Variants in ANKRD11 observed in about 807,000 individuals in gnomAD.
ANKRD11 encodes the protein ankyrin repeat domain 11.
A neutral mutation model predicts 195.7 loss-of-function variants in ANKRD11; 17 were observed. That is an observed-to-expected ratio of 0.09 (90% CI 0.06 to 0.13). The LOEUF (loss-of-function observed/expected upper bound fraction) is 0.13, where lower values mean the gene tolerates loss of function less well. Ranked by LOEUF, ANKRD11 falls within the 10% of genes least tolerant of loss-of-function variation. ANKRD11 has a pLI of 1.00. For synonymous variants in ANKRD11, 1,953 were observed against 1,528.1 expected, an observed-to-expected ratio of 1.28 and a Z score of -6.49; for missense variants, 3,735 against 3,566.1, an observed-to-expected ratio of 1.05 and a Z score of -1.21.
chr16:89,378,366 CCAAA>C (rs2040507748), intron 2 of ANKRD11, among the ~76,000 whole-genome samples: 1 of 152,006 alleles, frequency 6.6e-6, no homozygotes, highest in African/African-American at 2.4e-5. Context: ...TGTTCAAGGA[CCAAA>C]CATATATAAT....
chr16:89,292,611 C>T (rs918712926), intron 4 of ANKRD11, among the ~76,000 whole-genome samples: 4 of 152,250 alleles, frequency 2.6e-5, no homozygotes, highest in Admixed American at 2.6e-4. Context: ...GCGTCACACT[C>T]ATGGGCAAAA....
In ANKRD11 at chr16:89,480,496, AT is replaced by A. The variant is rs770638749; in HGVS notation, c.-145+9748del. ...CATCTCAAAAAAAAAGAAAAAAAAA[AT>A]CCTAACTTTTAAGATTTCCAACCAA... On this transcript the variant is annotated intron_variant, in intron 1 of 12. Coordinates refer to ENST00000301030, the MANE Select transcript of ANKRD11 (RefSeq NM_013275.6). Among the ~76,000 whole-genome samples the A allele has an allele frequency of 1.6e-4, 24 of 152,224 alleles. No individual in the cohort carries two copies. The South Asian group carries it at 2.3e-3, about 14-fold the overall frequency.
Position 89,278,449 on chromosome 16 carries a change from C to T in ANKRD11, c.7470+623G>A, listed in dbSNP as rs939294423. 9.0e-6 allele frequency: 4 copies of T among 445,872 alleles called. No individual in the cohort carries two copies. In the East Asian group the frequency reaches 2.1e-4, roughly 23 times the overall value. The allele number at this position is 445,872 out of a possible 1,614,324, so 27.6% of individuals were successfully genotyped here. A position where few individuals can be genotyped will look rare whatever the true frequency, so the allele number is the denominator to read the frequency against. ...TTGGGCCCAGACGTAGCGCAAGGAG[C>T]TGGGGGAGTGGGGGTGATTCCGAGA... On this transcript the variant is annotated intron_variant, in intron 9 of 12. Coordinates refer to ENST00000301030, the MANE Select transcript of ANKRD11 (RefSeq NM_013275.6).
At chr16:89,278,106 A>T in intron 9 of ANKRD11, 2 of 230,936 alleles carry the variant, frequency 8.7e-6, no homozygotes, top group Non-Finnish European at 1.7e-5. Context: ...CGCTAGGCAC[A>T]GTGTGAGTGG....
At position 89,282,638 on chromosome 16, in the gene ANKRD11, C is replaced by T. The variant is rs2034355002; in HGVS notation, c.3904G>A (p.Glu1302Lys). ...YREDSNDKIS[E>K]VSSDSFTDRG... The stretch of plus-strand genomic sequence containing the variant: ...TCCGTGAAGCTGTCAGAGGAGACCT[C>T]GCTGATTTTATCGTTGGAGTCTTCT... The change falls in exon 9 of 13, where the codon GAG becomes AAG. Residue 1302 changes from glutamate (E) to lysine (K), a missense_variant. Physicochemically the swap from Glu to Lys is moderately conservative, Grantham distance 56. Coordinates refer to ENST00000301030, the MANE Select transcript of ANKRD11 (RefSeq NM_013275.6). 1 of 1,614,118 alleles carries T rather than the reference C, an allele frequency of 6.2e-7. No homozygotes were observed. Among genetic ancestry groups the T allele is most frequent in the Non-Finnish European group, 8.5e-7 (1 of 1,180,024 alleles).
At chr16:89,465,173 T>C (rs1365806493) in intron 1 of ANKRD11, among the ~76,000 whole-genome samples, 1 of 152,192 alleles carries the variant, frequency 6.6e-6, no homozygotes, top group East Asian at 1.9e-4. Context: ...TCAGAGAACA[T>C]GCGGCCACAA....
At chr16:89,288,459 G>A in intron 7 of ANKRD11, 69 bp downstream of exon 7, 1 of 1,610,908 alleles carries the variant, frequency 6.2e-7, no homozygotes, top group African/African-American at 1.3e-5. Context: ...TAGCTACGGG[G>A]AAACAAAGCT....
At chr16:89,379,776 G>A (rs750151767) in intron 2 of ANKRD11, among the ~76,000 whole-genome samples, 8 of 152,212 alleles carry the variant, frequency 5.3e-5, no homozygotes, top group Non-Finnish European at 8.8e-5. Flanking sequence ...TGAGTACAAC[G>A]GGCAAAGAAG....
intron 2 of ANKRD11, among the ~76,000 whole-genome samples, chr16:89,376,445 TTTG>T (rs1251970408): frequency 6.6e-6 from 1 of 152,116 alleles, no homozygotes; most frequent in Non-Finnish European, 1.5e-5. Flanking sequence ...GGGTTTTGTT[TTTG>T]TTTTTTTGAG....
chr16:89,405,172 C>A (rs548747270), intron 2 of ANKRD11, among the ~76,000 whole-genome samples: 2 of 151,842 alleles, frequency 1.3e-5, no homozygotes, highest in Non-Finnish European at 2.9e-5. Context: ...CCAGCCTGGG[C>A]GACAGAGCAA....
In ANKRD11 at chr16:89,419,543, G is replaced by A. The variant is rs183983386; in HGVS notation, c.-144-1175C>T. ...AGAATAAAACAAACCAGTCTAAATGGGGGAAAAAAAATCTATACCCATGTT... is the reference window on the plus strand; with the variant it reads ...AGAATAAAACAAACCAGTCTAAATGAGGGAAAAAAAATCTATACCCATGTT... On this transcript the variant is annotated intron_variant, in intron 1 of 12. Transcript: ENST00000301030. Among the ~76,000 whole-genome samples the A allele has an allele frequency of 1.9e-3, 287 of 151,764 alleles. 1 individual carries two copies. The highest frequency in any genetic ancestry group is 6.3e-3 in the African/African-American group (261 of 41,354).
At chr16:89,295,422 C>A (rs1221360721) in intron 4 of ANKRD11, among the ~76,000 whole-genome samples, 1 of 152,202 alleles carries the variant, frequency 6.6e-6, no homozygotes, top group Non-Finnish European at 1.5e-5. Flanking sequence ...AAACCACATC[C>A]ACCTCGCCAG....
chr16:89,322,712 A>G (rs1216656463), intron 2 of ANKRD11, among the ~76,000 whole-genome samples: 2 of 152,146 alleles, frequency 1.3e-5, no homozygotes, highest in Admixed American at 6.6e-5. Flanking sequence ...AGGAGCTGGA[A>G]GCAGCAGTCC....
chr16:89,324,579 G>T, intron 2 of ANKRD11: 1 of 452,424 alleles, frequency 2.2e-6, no homozygotes, highest in Non-Finnish European at 4.5e-6. Context: ...CATCTGGGGG[G>T]GCATGATCTC....
chr16:89,428,068 C>A (rs760417335), intron 1 of ANKRD11, among the ~76,000 whole-genome samples: 1 of 148,514 alleles, frequency 6.7e-6, no homozygotes, highest in Non-Finnish European at 1.5e-5. Flanking sequence ...ATTAGCCAGA[C>A]ATGGTGGCGC....
intron 2 of ANKRD11, among the ~76,000 whole-genome samples, chr16:89,336,066 G>A (rs572575885): frequency 8.1e-4 from 124 of 152,348 alleles, no homozygotes; most frequent in African/African-American, 2.4e-3. Context: ...ATTCCTGCCA[G>A]TTGGTTTGAA....
chr16:89,344,283 C>G (rs964887369), intron 2 of ANKRD11, among the ~76,000 whole-genome samples: 1 of 152,170 alleles, frequency 6.6e-6, no homozygotes, highest in South Asian at 2.1e-4. Flanking sequence ...GAGCCTCTAA[C>G]GAGCCTCAGC....
chr16:89,350,546 A>C (rs1023534273), intron 2 of ANKRD11, among the ~76,000 whole-genome samples: 6 of 152,232 alleles, frequency 3.9e-5, no homozygotes, highest in African/African-American at 1.4e-4. Context: ...ACCAGACACA[A>C]GAGTCCACAC....
Position 89,489,768 on chromosome 16 carries a change from TCCGAGCCC to T in ANKRD11, c.-145+469_-145+476del, listed in dbSNP as rs1251021074. On this transcript the variant is annotated intron_variant, in intron 1 of 12. Coordinates refer to ENST00000301030, the MANE Select transcript of ANKRD11 (RefSeq NM_013275.6). Reference sequence around the variant, plus strand: ...CCCCCCGTCCGCCCCTCACGGCCGCTCCGAGCCCCCGAGGCCCGCCCCGGAGCCCCCTG... The same window carrying T: ...CCCCCCGTCCGCCCCTCACGGCCGCTCCGAGGCCCGCCCCGGAGCCCCCTG... Among the ~76,000 whole-genome samples the T allele has an allele frequency of 1.8e-4, 3 of 16,816 alleles. No individual in the cohort carries two copies. In the East Asian group the frequency reaches 4.1e-3, roughly 23 times the overall value. 11.0% of individuals were successfully genotyped at this position (16,816 alleles called of 152,430 possible).
Sources: gnomAD v4.1 joint callset for allele counts (sites outside exome capture counted in the v4.1 genomes callset) on GRCh38, gnomAD v4.1.1 for gene constraint, MANE v1.5 for transcripts, NCBI Gene and HGNC (gene_info 2026-07-23, HGNC 2026-07-21) for gene names.